SLC9A9: variants seen among roughly 807,000 people sequenced by gnomAD.
SLC9A9 encodes solute carrier family 9 member A9, also known as sodium/hydrogen exchanger 9.
SLC9A9 carries 62 observed loss-of-function variants against 77.8 expected under a neutral mutation model. That is an observed-to-expected ratio of 0.80 (90% CI 0.65 to 0.98). The LOEUF is 0.98. Among genes scored for constraint, SLC9A9 ranks in the 50% least tolerant of loss-of-function variants. The pLI is 0.00. For synonymous variants in SLC9A9, 320 were observed against 283.5 expected, an observed-to-expected ratio of 1.13 and a Z score of -1.29; for missense variants, 775 against 774.9, an observed-to-expected ratio of 1.00 and a Z score of 0.00.
intron 3 of SLC9A9, among the ~76,000 whole-genome samples, chr3:143,796,090 A>G (rs2008377458): frequency 6.6e-6 from 1 of 152,166 alleles, no homozygotes; most frequent in African/African-American, 2.4e-5. Flanking sequence ...CTGCATCTCA[A>G]AAACCACGTG....
intron 12 of SLC9A9, among the ~76,000 whole-genome samples, chr3:143,386,233 C>A (rs2033423357): frequency 6.6e-6 from 1 of 152,218 alleles, no homozygotes; most frequent in South Asian, 2.1e-4. Context: ...CTTGCTCTGT[C>A]TTTGGCGACC....
At chr3:143,749,725 A>G (rs76322512) in intron 4 of SLC9A9, among the ~76,000 whole-genome samples, 6,852 of 152,294 alleles carry the variant, frequency 0.045, 193 homozygotes, top group Middle Eastern at 0.065. Flanking sequence ...CAATTCTCAG[A>G]GAGTTTAAAT....
At chr3:143,551,365 C>T (rs754740312) in intron 9 of SLC9A9, among the ~76,000 whole-genome samples, 3 of 152,206 alleles carry the variant, frequency 2.0e-5, no homozygotes, top group South Asian at 2.1e-4. Context: ...TCACAAGATA[C>T]GTAAGTCATT....
chr3:143,824,748 A>C (rs1373398707), intron 2 of SLC9A9, among the ~76,000 whole-genome samples: 2 of 152,246 alleles, frequency 1.3e-5, no homozygotes, highest in Non-Finnish European at 1.5e-5. Flanking sequence ...TCAATGATGA[A>C]ATCAAAACCA....
At chr3:143,692,673 A>G (rs1363559236) in intron 5 of SLC9A9, among the ~76,000 whole-genome samples, 2 of 152,166 alleles carry the variant, frequency 1.3e-5, no homozygotes, top group African/African-American at 4.8e-5. Flanking sequence ...TTCACTGGAG[A>G]GAAATTCAGG....
At chr3:143,531,114 C>A (rs2036504105) in intron 9 of SLC9A9, among the ~76,000 whole-genome samples, 1 of 152,204 alleles carries the variant, frequency 6.6e-6, no homozygotes, top group Non-Finnish European at 1.5e-5. Context: ...ATTCATTCAA[C>A]AACAGCTATT....
intron 12 of SLC9A9, among the ~76,000 whole-genome samples, chr3:143,400,876 G>A (rs544670824): frequency 2.6e-5 from 4 of 152,224 alleles, no homozygotes; most frequent in Admixed American, 1.3e-4. Flanking sequence ...GTATGAGCCC[G>A]AGAGTGAGTG....
At chr3:143,733,835 G>A (rs1195155381) in intron 4 of SLC9A9, among the ~76,000 whole-genome samples, 2 of 151,614 alleles carry the variant, frequency 1.3e-5, no homozygotes, top group Non-Finnish European at 2.9e-5. Context: ...CACCTGGAAT[G>A]TAGACTATCC....
intron 15 of SLC9A9, among the ~76,000 whole-genome samples, chr3:143,268,477 T>C (rs1937795669): frequency 6.6e-6 from 1 of 152,050 alleles, no homozygotes; most frequent in Admixed American, 6.5e-5. Flanking sequence ...CTCATGCCTG[T>C]AATCCCAGCA....
At chr3:143,515,379 C>CTT (rs2108608895) in intron 9 of SLC9A9, among the ~76,000 whole-genome samples, 2 of 152,218 alleles carry the variant, frequency 1.3e-5, no homozygotes, top group South Asian at 2.1e-4. Flanking sequence ...GGCAGAGAGG[C>CTT]TTGCTCCAAG....
rs1429913539 is a variant in SLC9A9, at chr3:143,493,790, G to A, written c.1204-26C>T. 2.0e-6 allele frequency: 3 copies of A among 1,511,504 alleles called. No homozygotes were observed. In the East Asian group the frequency reaches 6.8e-5, roughly 34 times the overall value. The allele number at this position is 1,511,504 out of a possible 1,614,324, so 93.6% of individuals were successfully genotyped here. ...CTGTAGATAAGCACAGGGAAACATT[G>A]AGGAAAGTGTTGCTGCAATGATGGT... On this transcript the variant is annotated intron_variant, in intron 10 of 15. Coordinates refer to ENST00000316549, the MANE Select transcript of SLC9A9 (RefSeq NM_173653.4).
intron 12 of SLC9A9, among the ~76,000 whole-genome samples, chr3:143,393,508 A>G (rs1010608586): frequency 6.6e-6 from 1 of 152,252 alleles, no homozygotes; most frequent in Non-Finnish European, 1.5e-5. Context: ...GGAAAGATCT[A>G]AAACTGACAC....
intron 4 of SLC9A9, among the ~76,000 whole-genome samples, chr3:143,763,516 A>G (rs1038423816): frequency 9.2e-5 from 14 of 152,186 alleles, no homozygotes; most frequent in African/African-American, 3.1e-4. Flanking sequence ...CTTTGATAAT[A>G]AAATACCATC....
At chr3:143,733,355 G>A (rs576419830) in intron 4 of SLC9A9, among the ~76,000 whole-genome samples, 121 of 152,236 alleles carry the variant, frequency 7.9e-4, no homozygotes, top group Non-Finnish European at 1.3e-3. Flanking sequence ...GAGAAGAAAT[G>A]GGGGTAGGAG....
intron 9 of SLC9A9, among the ~76,000 whole-genome samples, chr3:143,525,553 A>G (rs1243766540): frequency 2.0e-5 from 3 of 152,164 alleles, no homozygotes; most frequent in Admixed American, 6.5e-5. Flanking sequence ...CCTTCGCTCC[A>G]TGTGTCTCCT....
rs560664840 is a variant in SLC9A9, at chr3:143,624,098, G to C, written c.755+28157C>G. Among the ~76,000 whole-genome samples the C allele has an allele frequency of 9.9e-5, 15 of 152,216 alleles. No individual in the cohort carries two copies. The East Asian group carries it at 2.7e-3, about 27-fold the overall frequency. On this transcript the variant is annotated intron_variant, in intron 6 of 15. Coordinates refer to ENST00000316549, the MANE Select transcript of SLC9A9 (RefSeq NM_173653.4). ...TGAATCTCTGAATAGACCAATAACAGGCTCTGAAATTGAGGCAATAATTAA... is the reference window on the plus strand; with the variant it reads ...TGAATCTCTGAATAGACCAATAACACGCTCTGAAATTGAGGCAATAATTAA...
chr3:143,284,513 G>C (rs530769703), intron 14 of SLC9A9, among the ~76,000 whole-genome samples: 7 of 151,856 alleles, frequency 4.6e-5, no homozygotes, highest in African/African-American at 1.7e-4. Flanking sequence ...TAGCAGGATG[G>C]AGAATTTTCC....
chr3:143,795,150 T>G (rs2008343684), intron 3 of SLC9A9, 73 bp from the exon 4 acceptor site: 2 of 1,405,958 alleles, frequency 1.4e-6, no homozygotes, highest in East Asian at 4.8e-5. Flanking sequence ...TAAAAATAAA[T>G]GTATGCAGTT....
intron 12 of SLC9A9, among the ~76,000 whole-genome samples, chr3:143,421,021 C>T (rs962692388): frequency 3.3e-5 from 5 of 152,162 alleles, no homozygotes; most frequent in South Asian, 2.1e-4. Flanking sequence ...ATCTAGAATG[C>T]AATCCCATTT....
Sources: allele counts gnomAD v4.1 joint callset (sites outside exome capture counted in the v4.1 genomes callset), GRCh38; gene constraint gnomAD v4.1.1; transcripts MANE v1.5; gene names NCBI Gene and HGNC (gene_info 2026-07-23, HGNC 2026-07-21).